Variants in ERI1 observed in about 807,000 individuals in gnomAD.
ERI1 encodes exoribonuclease 1.
A neutral mutation model predicts 39.7 loss-of-function variants in ERI1; 39 were observed. That is an observed-to-expected ratio of 0.98 (90% CI 0.76 to 1.28). ERI1 has a LOEUF of 1.28. Among genes scored for constraint, ERI1 ranks in the 50% most tolerant of loss-of-function variants. ERI1 has a pLI of 0.00. For synonymous variants in ERI1, 204 were observed against 149.6 expected (o/e 1.36, Z -2.65); for missense variants, 581 against 416.9 (o/e 1.39, Z -3.43).
At chr8:9,016,717 ACT>A (rs1272926241) in intron 4 of ERI1, among the ~76,000 whole-genome samples, 15 of 152,110 alleles carry the variant, frequency 9.9e-5, no homozygotes, top group Admixed American at 9.8e-4. Context: ...AGACAGTCTC[ACT>A]CTGTCACCCA....
intron 3 of ERI1, among the ~76,000 whole-genome samples, chr8:9,056,070 C>T (rs1355322466): frequency 6.6e-6 from 1 of 152,226 alleles, no homozygotes; most frequent in Non-Finnish European, 1.5e-5. Flanking sequence ...TCATACACAT[C>T]CCTCAGAAGC....
chr8:9,048,146 C>G (rs1213887942), intron 3 of ERI1, among the ~76,000 whole-genome samples: 4 of 152,238 alleles, frequency 2.6e-5, no homozygotes, highest in South Asian at 2.1e-4. Context: ...TTCTCTAAAG[C>G]AACTGTGCTC....
Position 9,030,120 on chromosome 8 carries a change from A to G in ERI1, c.*86A>G. 2.0e-6 allele frequency: 3 copies of G among 1,520,282 alleles called. No individual in the cohort carries two copies. Among genetic ancestry groups the G allele is most frequent in the Non-Finnish European group, 1.8e-6 (2 of 1,112,636 alleles). The allele number at this position is 1,520,282 out of a possible 1,614,324, so 94.2% of individuals were successfully genotyped here. A position where few individuals can be genotyped will look rare whatever the true frequency, so the allele number is the denominator to read the frequency against. On this transcript the variant is annotated 3_prime_UTR_variant, in exon 7 of 7. Coordinates refer to ENST00000250263, the MANE Select transcript of ERI1 (RefSeq NM_153332.4). ...CTCATTGAATTAGTCCTGTAGTGCAAACTTTAAGCACCTTAAAACATTTAA... is the reference window on the plus strand; with the variant it reads ...CTCATTGAATTAGTCCTGTAGTGCAGACTTTAAGCACCTTAAAACATTTAA...
chr8:9,095,675 C>A (rs1238735584), intron 3 of ERI1, among the ~76,000 whole-genome samples: 2 of 152,050 alleles, frequency 1.3e-5, no homozygotes, highest in Non-Finnish European at 2.9e-5. Flanking sequence ...CACATGCCAC[C>A]ATGCCGAGCT....
chr8:9,008,664 C>A (rs1301327836), intron 2 of ERI1, among the ~76,000 whole-genome samples: 2 of 152,166 alleles, frequency 1.3e-5, no homozygotes, highest in African/African-American at 4.8e-5. Context: ...ACTTAGTCAA[C>A]TGTATGTGTA....
intron 3 of ERI1, among the ~76,000 whole-genome samples, chr8:9,050,713 G>A (rs1798330319): frequency 6.6e-6 from 1 of 152,138 alleles, no homozygotes; most frequent in African/African-American, 2.4e-5. Context: ...AGTTACGGAA[G>A]GAATGGAGAA....
At chr8:9,040,241 T>TTCAC (rs1245647008) in intron 3 of ERI1, among the ~76,000 whole-genome samples, 4 of 151,974 alleles carry the variant, frequency 2.6e-5, no homozygotes, top group Non-Finnish European at 4.4e-5. Flanking sequence ...AATCATTACT[T>TTCAC]TCACTTTACC....
intron 3 of ERI1, among the ~76,000 whole-genome samples, chr8:9,082,570 T>A (rs1799402339): frequency 6.6e-6 from 1 of 152,212 alleles, no homozygotes; most frequent in Non-Finnish European, 1.5e-5. Context: ...TCTGTACTTC[T>A]TGGGGGTCTT....
At chr8:9,022,543 G>A (rs902150024) in intron 6 of ERI1, among the ~76,000 whole-genome samples, 4 of 152,064 alleles carry the variant, frequency 2.6e-5, no homozygotes, top group Non-Finnish European at 5.9e-5. Context: ...GGGACTACGG[G>A]CGCCCACAAC....
intron 3 of ERI1, among the ~76,000 whole-genome samples, chr8:9,077,553 G>A (rs1234343125): frequency 6.6e-6 from 1 of 152,194 alleles, no homozygotes; most frequent in Non-Finnish European, 1.5e-5. Context: ...GTGGTGATGA[G>A]ATGTGGGAGA....
intron 3 of ERI1, among the ~76,000 whole-genome samples, chr8:9,054,750 C>T (rs1317840203): frequency 1.3e-5 from 2 of 152,210 alleles, no homozygotes; most frequent in East Asian, 3.9e-4. Context: ...CATGACAAAA[C>T]CCCATTTCTA....
intron 3 of ERI1, among the ~76,000 whole-genome samples, chr8:9,050,235 C>T (rs566456915): frequency 1.7e-4 from 26 of 151,946 alleles, no homozygotes; most frequent in Middle Eastern, 3.4e-3. Flanking sequence ...AGGCTGGGCG[C>T]AGTGCCTCAC....
intron 3 of ERI1, among the ~76,000 whole-genome samples, chr8:9,068,661 G>C (rs1248380438): frequency 1.3e-5 from 2 of 152,076 alleles, no homozygotes; most frequent in African/African-American, 2.4e-5. Context: ...CATTGTGTCT[G>C]AGTTTATCTT....
chr8:9,061,382 C>T (rs1005963528), intron 3 of ERI1, among the ~76,000 whole-genome samples: 1 of 152,060 alleles, frequency 6.6e-6, no homozygotes, highest in African/African-American at 2.4e-5. Context: ...GTGAGTACAG[C>T]TGAAGGACCC....
chr8:9,034,856 A>G (rs541628597), downstream of ERI1, among the ~76,000 whole-genome samples: 2 of 152,350 alleles, frequency 1.3e-5, no homozygotes, highest in South Asian at 4.1e-4. Flanking sequence ...ACCCAAAGGA[A>G]AAGTTGTTGA....
intron 3 of ERI1, among the ~76,000 whole-genome samples, chr8:9,014,697 A>G (rs1006228779): frequency 6.6e-6 from 1 of 152,248 alleles, no homozygotes; most frequent in Non-Finnish European, 1.5e-5. Flanking sequence ...TATTTTTGAA[A>G]GAATGTCATT....
chr8:9,021,571 A>C (rs1817896176), intron 6 of ERI1, among the ~76,000 whole-genome samples: 1 of 152,196 alleles, frequency 6.6e-6, no homozygotes, highest in Non-Finnish European at 1.5e-5. Flanking sequence ...ATTGCTATAA[A>C]GCAAATACCC....
rs1429223601 is a variant in ERI1, at chr8:9,073,923, C to G, written n.300-42425C>G. Among the ~76,000 whole-genome samples the G allele has an allele frequency of 2.6e-5, 4 of 152,182 alleles. No individual in the cohort carries two copies. In the Middle Eastern group the frequency reaches 0.01, roughly 388 times the overall value. On this transcript the variant is annotated intron_variant and non_coding_transcript_variant, in intron 3 of 3. Coordinates refer to the ERI1 transcript ENST00000518663. ...AAGACTAAGTAAACATTGTACTTTA[C>G]AAAAATTTTATTATTTTTAAAATTT...
chr8:9,029,416 C>T (rs961245613), intron 6 of ERI1, among the ~76,000 whole-genome samples: 2 of 152,256 alleles, frequency 1.3e-5, no homozygotes, highest in Admixed American at 6.5e-5. Context: ...GCAGCCTCCA[C>T]CTCCCAGGTT....
Sources: gnomAD v4.1 joint callset for allele counts (sites outside exome capture counted in the v4.1 genomes callset) on GRCh38, gnomAD v4.1.1 for gene constraint, MANE v1.5 for transcripts, NCBI Gene and HGNC (gene_info 2026-07-23, HGNC 2026-07-21) for gene names.